The following ADCY5 variants were observed in gnomAD, a reference collection of about 807,000 sequenced individuals.
ADCY5 encodes adenylate cyclase 5.
A neutral mutation model predicts 119.7 loss-of-function variants in ADCY5; 30 were observed. The ratio of observed to expected loss-of-function variants is 0.25; its 90% CI spans 0.19 to 0.34. The LOEUF (loss-of-function observed/expected upper bound fraction) is 0.34, where lower values mean the gene tolerates loss of function less well. Ranked by LOEUF, ADCY5 falls within the 10% of genes least tolerant of loss-of-function variation. The pLI is 1.00. For missense variants in ADCY5, 1,324 were observed against 1,775.2 expected, an observed-to-expected ratio of 0.75 and a Z score of 4.57; for synonymous variants, 753 against 762.2, an observed-to-expected ratio of 0.99 and a Z score of 0.20.
At chr3:123,354,593 C>A (rs183129007) in intron 1 of ADCY5, among the ~76,000 whole-genome samples, 1 of 151,986 alleles carries the variant, frequency 6.6e-6, no homozygotes, top group Admixed American at 6.6e-5. Context: ...GAGGGGTAGG[C>A]CACAGGGAAT....
chr3:123,379,246 C>T (rs1022368549), intron 1 of ADCY5, among the ~76,000 whole-genome samples: 5 of 152,098 alleles, frequency 3.3e-5, no homozygotes, highest in African/African-American at 1.2e-4. Context: ...ACAGGCCACT[C>T]GGAGGGAGAC....
chr3:123,409,610 A>G (rs1944992199), intron 1 of ADCY5, among the ~76,000 whole-genome samples: 2 of 152,230 alleles, frequency 1.3e-5, no homozygotes, highest in Non-Finnish European at 2.9e-5. Context: ...GAGCAGGAGC[A>G]GCTGCAGCAT....
intron 1 of ADCY5, among the ~76,000 whole-genome samples, chr3:123,377,803 G>C (rs1274776276): frequency 6.6e-6 from 1 of 151,922 alleles, no homozygotes; most frequent in East Asian, 1.9e-4. Flanking sequence ...GGTGGTGTGT[G>C]CCTGTAGTCC....
At chr3:123,386,318 A>G (rs1338384687) in intron 1 of ADCY5, among the ~76,000 whole-genome samples, 1 of 152,128 alleles carries the variant, frequency 6.6e-6, no homozygotes, top group African/African-American at 2.4e-5. Flanking sequence ...CCCGAGGCCC[A>G]GTGAGAGAGA....
chr3:123,352,206 G>T lies in ADCY5; in HGVS notation c.1284+226C>A, dbSNP rs1174673777. Reference sequence around the variant, plus strand: ...TTGCAAACCACAGGGACGCCACATGGCTATGGGCACCAGGCCTTGGGCACG... The same window carrying T: ...TTGCAAACCACAGGGACGCCACATGTCTATGGGCACCAGGCCTTGGGCACG... On this transcript the variant is annotated intron_variant, in intron 2 of 20. Transcript: ENST00000462833. The surrounding 1 kb of genome is among the most constrained non-coding windows in gnomAD (Gnocchi z 4.8). Among the ~76,000 whole-genome samples the T allele has an allele frequency of 6.6e-6, 1 of 152,146 alleles. No homozygotes were observed. Among genetic ancestry groups the T allele is most frequent in the African/African-American group, 2.4e-5 (1 of 41,426 alleles).
chr3:123,447,913 C>A lies in ADCY5; in HGVS notation c.633G>T (p.Ala211=). The change falls in exon 1 of 21, where the codon GCG becomes GCT. Residue 211 remains alanine (A), a synonymous_variant. Transcript: ENST00000462833. ...AVLSLGACCL[A]LLQIFRSKKF... ...TCTTGGAGCGGAATATCTGCAGCAA[C>A]GCCAGGCAGCAGGCGCCCAGGGACA... 6.2e-7 allele frequency: 1 copy of A among 1,608,590 alleles called. No homozygotes were observed. Among genetic ancestry groups the A allele is most frequent in the Non-Finnish European group, 8.5e-7 (1 of 1,177,392 alleles).
At chr3:123,446,542 T>A (rs1465843242) in intron 1 of ADCY5, among the ~76,000 whole-genome samples, 1 of 152,184 alleles carries the variant, frequency 6.6e-6, no homozygotes, top group Admixed American at 6.5e-5. Context: ...GGGGGGCTCC[T>A]CTCACCCTGA....
rs1486601932 is a variant in ADCY5 at position 123,352,351 on chromosome 3, C to A, written c.1284+81G>T. 10 of 1,474,810 alleles carry A rather than the reference C, an allele frequency of 6.8e-6. No individual in the cohort carries two copies. The Admixed American group carries it at 1.4e-4, about 21-fold the overall frequency. The allele number at this position is 1,474,810 out of a possible 1,614,324, so 91.4% of individuals were successfully genotyped here. On this transcript the variant is annotated intron_variant, in intron 2 of 20. Transcript: ENST00000462833. The surrounding 1 kb of genome is among the most constrained non-coding windows in gnomAD (Gnocchi z 4.8). ...GCTGGCAGCCGTAATAAGCACTGCC[C>A]GCCCTAGGCCAGGCACTCAGCTGAG...
At chr3:123,436,350 G>A (rs541791976) in intron 1 of ADCY5, among the ~76,000 whole-genome samples, 10 of 152,076 alleles carry the variant, frequency 6.6e-5, no homozygotes, top group African/African-American at 1.9e-4. Context: ...TCTAGCCTGC[G>A]CAACAGAGTA....
At chr3:123,439,076 C>CCTTTTTTTTTTTTTTTTTTT (rs141937415) in intron 1 of ADCY5, among the ~76,000 whole-genome samples, 1 of 64,728 alleles carries the variant, frequency 1.5e-5, no homozygotes, top group African/African-American at 6.5e-5. Flanking sequence ...CCCTAAAGTG[C>CCTTTTTTTTTTTTTTTTTTT]TTTTTTTTTT....
intron 1 of ADCY5, among the ~76,000 whole-genome samples, chr3:123,443,964 CAGGG>C (rs1945768510): frequency 6.6e-6 from 1 of 152,218 alleles, no homozygotes; most frequent in Non-Finnish European, 1.5e-5. Context: ...CCCCACCCCA[CAGGG>C]CACAACGATA....
chr3:123,289,128 T>C (rs770200826), intron 19 of ADCY5, among the ~76,000 whole-genome samples: 1 of 152,270 alleles, frequency 6.6e-6, no homozygotes, highest in African/African-American at 2.4e-5. Flanking sequence ...ATTCTTTAAA[T>C]GTTTAGTTTT....
At chr3:123,297,501 C>A in intron 15 of ADCY5, 119 bp from the exon 16 acceptor site, 1 of 1,157,094 alleles carries the variant, frequency 8.6e-7, no homozygotes, top group African/African-American at 1.5e-5. Context: ...CCTTGGCTCC[C>A]CAGCCCCATT....
intron 1 of ADCY5, among the ~76,000 whole-genome samples, chr3:123,439,864 G>A (rs748648685): frequency 1.3e-5 from 2 of 152,184 alleles, no homozygotes; most frequent in African/African-American, 2.4e-5. Context: ...CTGAAAGAAC[G>A]ACTTAATGAT....
intron 17 of ADCY5, 140 bp downstream of exon 17, chr3:123,295,944 G>T: frequency 8.0e-7 from 1 of 1,247,462 alleles, no homozygotes; most frequent in African/African-American, 1.5e-5. Context: ...GCACCAAGTG[G>T]CTTCGATGGG....
At chr3:123,327,378 T>C (rs1271089340) in intron 7 of ADCY5, among the ~76,000 whole-genome samples, 1 of 152,256 alleles carries the variant, frequency 6.6e-6, no homozygotes, top group Non-Finnish European at 1.5e-5. Flanking sequence ...TCTGATGTCT[T>C]GTTGCTAACT....
At chr3:123,308,481 A>G (rs1380270378) in intron 12 of ADCY5, among the ~76,000 whole-genome samples, 1 of 152,162 alleles carries the variant, frequency 6.6e-6, no homozygotes, top group East Asian at 1.9e-4. Flanking sequence ...CTATAATTAG[A>G]GAGTTCATCT....
At chr3:123,444,471 G>A (rs1445629041) in intron 1 of ADCY5, among the ~76,000 whole-genome samples, 1 of 152,110 alleles carries the variant, frequency 6.6e-6, no homozygotes, top group East Asian at 1.9e-4. Context: ...GGAGCCGAGG[G>A]GGAGGGTGAC....
chr3:123,336,776 G>A (rs572576323), intron 3 of ADCY5, among the ~76,000 whole-genome samples: 148 of 152,302 alleles, frequency 9.7e-4, no homozygotes, highest in African/African-American at 3.4e-3. Context: ...CCAGGCCTGT[G>A]GTCAACTCAT....
Sources: allele counts gnomAD v4.1 joint callset (sites outside exome capture counted in the v4.1 genomes callset), GRCh38; gene constraint gnomAD v4.1.1; non-coding constraint Gnocchi (gnomAD v3.1); transcripts MANE v1.5; gene names NCBI Gene and HGNC (gene_info 2026-07-23, HGNC 2026-07-21).